NR1D2: variants seen among roughly 807,000 people sequenced by gnomAD.
The protein encoded by NR1D2 is V-erbA-related protein 1-related.
NR1D2 carries 25 observed loss-of-function variants against 52.2 expected under a neutral mutation model. The ratio of observed to expected loss-of-function variants is 0.48; its 90% confidence interval spans 0.35 to 0.67. The LOEUF is 0.67. Among genes scored for constraint, NR1D2 ranks in the 30% least tolerant of loss-of-function variants. The pLI is 0.01. For synonymous variants in NR1D2, 259 were observed against 230.1 expected (o/e 1.13, Z -1.14); for missense variants, 681 against 707.2 (o/e 0.96, Z 0.42).
intron 5 of NR1D2, among the ~76,000 whole-genome samples, chr3:23,962,824 TTGATC>T (rs1473707059): frequency 2.0e-5 from 3 of 152,150 alleles, no homozygotes; most frequent in Non-Finnish European, 2.9e-5. Flanking sequence ...TGTGATTTGA[TTGATC>T]TGAGATTGGG....
At position 23,945,537 on chromosome 3, in the gene NR1D2, C is replaced by T; in HGVS notation, c.-42C>T. 1 of 1,133,850 alleles carries T rather than the reference C, an allele frequency of 8.8e-7. No homozygotes were observed. Among genetic ancestry groups the T allele is most frequent in the African/African-American group, 1.7e-5 (1 of 59,892 alleles). 70.2% of individuals were successfully genotyped at this position (1,133,850 alleles called of 1,614,324 possible). On this transcript the variant is annotated 5_prime_UTR_variant, in exon 1 of 8. Coordinates refer to ENST00000312521, the MANE Select transcript of NR1D2 (RefSeq NM_005126.5). ...GGCGGCGGCGGCGGCGCTGCCCCCT[C>T]TGCGGGAAGCGGGCGGCCCCGGCCG...
chr3:23,956,802 C>G (rs566710233), intron 3 of NR1D2, among the ~76,000 whole-genome samples: 17 of 152,276 alleles, frequency 1.1e-4, no homozygotes, highest in African/African-American at 3.9e-4. Context: ...AAACTTGGCA[C>G]AATCTTTTCT....
At position 23,946,030 on chromosome 3, in the gene NR1D2, GGCGC is replaced by G. The variant is rs561849691; in HGVS notation, c.16+449_16+452del. Reference sequence around the variant, plus strand: ...GGCCGCAGGGACACGTGGGGGCGGGGGCGCGCGCGCGCGCGCTGGCTGGGAGCGC... The same window carrying G: ...GGCCGCAGGGACACGTGGGGGCGGGGGCGCGCGCGCGCTGGCTGGGAGCGC... On this transcript the variant is annotated intron_variant, in intron 1 of 7. Coordinates refer to ENST00000312521, the MANE Select transcript of NR1D2 (RefSeq NM_005126.5). 1.5e-4 allele frequency: 123 copies of G among 844,640 alleles called. No homozygotes were observed. The South Asian group carries it at 2.7e-3, about 18-fold the overall frequency. The allele number at this position is 844,640 out of a possible 1,614,324, so 52.3% of individuals were successfully genotyped here.
At position 23,962,624 on chromosome 3, in the gene NR1D2, T is replaced by C. The variant is rs369342925; in HGVS notation, c.1146+19T>C. The C allele has an allele frequency of 4.3e-4, 676 of 1,558,804 alleles. 1 individual carries two copies. Among genetic ancestry groups the C allele is most frequent in the Non-Finnish European group, 5.7e-4 (653 of 1,149,614 alleles). ...GCATCTGGTATAGTGAAATCGATTT[T>C]TTGCTTACATTGTATCAGGGAAAGC... On this transcript the variant is annotated intron_variant, in intron 5 of 7. Transcript: ENST00000312521.
Position 23,971,303 on chromosome 3 carries a change from AT to A in NR1D2, c.1543+3300del, listed in dbSNP as rs11457044. Among the ~76,000 whole-genome samples the A allele has an allele frequency of 1.2e-3, 153 of 123,084 alleles. 1 individual carries two copies. In the East Asian group the frequency reaches 0.015, roughly 12 times the overall value. 80.7% of individuals were successfully genotyped at this position (123,084 alleles called of 152,430 possible). A position where few individuals can be genotyped will look rare whatever the true frequency, so the allele number is the denominator to read the frequency against. Reference sequence around the variant, plus strand: ...ATATAATGCTTATATCTCTATACCTATTTTTTTTTTTTTTTTTTTTGAGACA... The same window carrying A: ...ATATAATGCTTATATCTCTATACCTATTTTTTTTTTTTTTTTTTTGAGACA... On this transcript the variant is annotated intron_variant, in intron 7 of 7. Transcript: ENST00000312521.
intron 2 of NR1D2, among the ~76,000 whole-genome samples, chr3:23,955,302 T>G (rs575350318): frequency 6.6e-6 from 1 of 152,338 alleles, no homozygotes; most frequent in Non-Finnish European, 1.5e-5. Context: ...TTTCCACCTT[T>G]TATTGATTGA....
At chr3:23,972,394 C>G (rs548010254) in intron 7 of NR1D2, among the ~76,000 whole-genome samples, 1 of 152,320 alleles carries the variant, frequency 6.6e-6, no homozygotes, top group East Asian at 1.9e-4. Flanking sequence ...GGAGAAAAAT[C>G]TCAAACATGA....
At position 23,945,586 on chromosome 3, in the gene NR1D2, T is replaced by C. The variant is rs1290625770; in HGVS notation, c.8T>C (p.Val3Ala). The C allele has an allele frequency of 9.7e-5, 113 of 1,168,226 alleles. No homozygotes were observed. Among genetic ancestry groups the C allele is most frequent in the Non-Finnish European group, 1.2e-4 (110 of 941,628 alleles). The allele number at this position is 1,168,226 out of a possible 1,614,324, so 72.4% of individuals were successfully genotyped here. Reference sequence around the variant, plus strand: ...CGCCTCCGCGAGGGCACCATGGAGGTGAATGCAGGTAAGAACCGGACTGCG... The same window carrying C: ...CGCCTCCGCGAGGGCACCATGGAGGCGAATGCAGGTAAGAACCGGACTGCG... The part of the protein sequence containing the change: ME[V>A]NAGGVIAYIS... The change falls in exon 1 of 8, where the codon GTG becomes GCG. Residue 3 changes from valine to alanine, a missense_variant. This residue lies in a region of NR1D2 where 94 missense variants were observed against 90.4 expected (regional missense o/e 1.04). Coordinates refer to ENST00000312521, the MANE Select transcript of NR1D2 (RefSeq NM_005126.5).
At chr3:23,946,144 C>T in intron 1 of NR1D2, 1 of 985,196 alleles carries the variant, frequency 1.0e-6, no homozygotes, top group Non-Finnish European at 1.2e-6. Flanking sequence ...CGGGGTTGCA[C>T]ACTGCGGAGG....
Position 23,956,023 on chromosome 3 carries a change from C to G in NR1D2, c.284-14C>G. 6.2e-7 allele frequency: 1 copy of G among 1,602,016 alleles called. No individual in the cohort carries two copies. ...TTCCTCCTACTTTTTACTTCGTGTCCTTTTGTGTCCTAGAATTTAGTGGCA... is the reference window on the plus strand; with the variant it reads ...TTCCTCCTACTTTTTACTTCGTGTCGTTTTGTGTCCTAGAATTTAGTGGCA... On this transcript the variant is annotated splice_polypyrimidine_tract_variant and intron_variant, in intron 2 of 7. Coordinates refer to ENST00000312521, the MANE Select transcript of NR1D2 (RefSeq NM_005126.5).
intron 5 of NR1D2, among the ~76,000 whole-genome samples, chr3:23,964,065 G>A (rs1197227802): frequency 2.0e-5 from 3 of 151,484 alleles, no homozygotes; most frequent in Admixed American, 6.6e-5. Context: ...GAAATAAATG[G>A]GCAGTGACTT....
chr3:23,967,740 T>G (rs1706487941), intron 6 of NR1D2, 73 bp from the exon 7 acceptor site: 1 of 1,183,862 alleles, frequency 8.4e-7, no homozygotes, highest in South Asian at 1.5e-5. Context: ...ATAACTGACT[T>G]GATTGAATAC....
At position 23,962,379 on chromosome 3, in the gene NR1D2, G is replaced by A. The variant is rs1706276553; in HGVS notation, c.920G>A (p.Ser307Asn). The change falls in exon 5 of 8, where the codon AGC becomes AAC. Residue 307 changes from serine to asparagine, a missense_variant. Physicochemically the swap from Ser to Asn is conservative, Grantham distance 46. Coordinates refer to ENST00000312521, the MANE Select transcript of NR1D2 (RefSeq NM_005126.5). ...NHDHCGNGLS[S>N]HFPCSESQQH... Reference sequence around the variant, plus strand: ...GATCATTGCGGCAATGGGCTTAGCAGCCATTTTCCCTGTAGTGAGAGCCAG... The same window carrying A: ...GATCATTGCGGCAATGGGCTTAGCAACCATTTTCCCTGTAGTGAGAGCCAG... 6.2e-7 allele frequency: 1 copy of A among 1,614,044 alleles called. No homozygotes were observed. Among genetic ancestry groups the A allele is most frequent in the African/African-American group, 1.3e-5 (1 of 74,926 alleles).
At chr3:23,946,122 CCT>C in intron 1 of NR1D2, 1 of 984,914 alleles carries the variant, frequency 1.0e-6, no homozygotes, top group Non-Finnish European at 1.2e-6. Flanking sequence ...GCCGCGATTC[CCT>C]CCTCCCCCGC....
At position 23,962,504 on chromosome 3, in the gene NR1D2, G is replaced by A. The variant is rs779091271; in HGVS notation, c.1045G>A (p.Ala349Thr). The change falls in exon 5 of 8, where the codon GCT (alanine) becomes ACT (threonine). Residue 349 changes from alanine (A) to threonine (T), a missense_variant. Around this residue, in one of 3 missense-constraint regions of NR1D2, gnomAD observed 475 missense variants for 454.5 expected, o/e 1.05. Transcript: ENST00000312521. ...TGGACATTGTATGAACTTCTCCAAT[G>A]CTTATACTCAAAGAGTATGTGATAG... is the stretch of plus-strand genomic sequence containing the variant. The part of the protein sequence containing the change: ...ANGHCMNFSN[A>T]YTQRVCDRVP... 6.2e-7 allele frequency: 1 copy of A among 1,614,042 alleles called. No homozygotes were observed. Among genetic ancestry groups the A allele is most frequent in the Middle Eastern group, 1.6e-4 (1 of 6,062 alleles).
intron 4 of NR1D2, among the ~76,000 whole-genome samples, chr3:23,961,047 T>C (rs73036794): frequency 0.031 from 4,791 of 152,308 alleles, 114 homozygotes; most frequent in Middle Eastern, 0.075. Flanking sequence ...CTGGTTTTAA[T>C]TAAAATCTAC....
rs1227590219 is a variant in NR1D2 at position 23,979,088 on chromosome 3, T to G, written c.*1669T>G. The G allele has an allele frequency of 1.3e-5, 2 of 152,142 alleles. No individual in the cohort carries two copies. Among genetic ancestry groups the G allele is most frequent in the African/African-American group, 2.4e-5 (1 of 41,464 alleles). 9.4% of individuals were successfully genotyped at this position (152,142 alleles called of 1,614,324 possible). On this transcript the variant is annotated 3_prime_UTR_variant, in exon 8 of 8. Transcript: ENST00000312521. ...CTAAGCCTGTTACTTTCATGACGTG[T>G]GAGCAGAATGCCTTATTTTGTAATC...
rs376491767 is a variant in NR1D2, at chr3:23,980,353, G to A, written c.*2934G>A. On this transcript the variant is annotated 3_prime_UTR_variant, in exon 8 of 8. Transcript: ENST00000312521. Reference sequence around the variant, plus strand: ...ATATAGAATTTTTTTAGGGGTTGGGGGAGGGGATCTGTTAGGAAACTGTTA... The same window carrying A: ...ATATAGAATTTTTTTAGGGGTTGGGAGAGGGGATCTGTTAGGAAACTGTTA... 23 of 152,194 alleles carry A rather than the reference G, an allele frequency of 1.5e-4. No homozygotes were observed. In the East Asian group the frequency reaches 1.9e-3, roughly 13 times the overall value. The allele number at this position is 152,194 out of a possible 1,614,324, so 9.4% of individuals were successfully genotyped here.
intron 5 of NR1D2, among the ~76,000 whole-genome samples, chr3:23,963,018 T>TC (rs1472704371): frequency 6.6e-6 from 1 of 151,902 alleles, no homozygotes; most frequent in Non-Finnish European, 1.5e-5. Flanking sequence ...GAAAGAGGTT[T>TC]TTTTTTTTTT....
Sources: allele counts gnomAD v4.1 joint callset (sites outside exome capture counted in the v4.1 genomes callset), GRCh38; gene constraint gnomAD v4.1.1; regional missense constraint gnomAD v4.1.1; transcripts MANE v1.5; gene names NCBI Gene and HGNC (gene_info 2026-07-23, HGNC 2026-07-21).